The following SCUBE1 variants were observed in gnomAD, a reference collection of about 807,000 sequenced individuals.
SCUBE1 encodes the protein signal peptide, CUB and EGF-like domain-containing protein 1.
SCUBE1 carries 59 observed loss-of-function variants against 124.4 expected under a neutral mutation model. That is an observed-to-expected ratio of 0.47 (90% confidence interval 0.38 to 0.59). SCUBE1 has a LOEUF of 0.59. SCUBE1 is among the 20% of genes least tolerant of loss of function. The pLI, the probability that SCUBE1 is intolerant of heterozygous loss-of-function variation, is 0.00. For synonymous variants in SCUBE1, 545 were observed against 550.9 expected (o/e 0.99, Z 0.15); for missense variants, 1,150 against 1,371.2 (o/e 0.84, Z 2.55).
At chr22:43,297,329 G>A (rs1041122380) in intron 3 of SCUBE1, among the ~76,000 whole-genome samples, 1 of 152,218 alleles carries the variant, frequency 6.6e-6, no homozygotes, top group African/African-American at 2.4e-5. Context: ...CTGCTGTGAT[G>A]AGTCTGGCTG....
chr22:43,320,118 C>G, intron 2 of SCUBE1, 53 bp from the exon 3 acceptor site: 2 of 1,606,986 alleles, frequency 1.2e-6, no homozygotes, highest in South Asian at 2.2e-5. Context: ...GTGGTCCCCT[C>G]TCCCAACACC....
chr22:43,294,167 C>A (rs1296186843), intron 3 of SCUBE1, among the ~76,000 whole-genome samples: 1 of 152,250 alleles, frequency 6.6e-6, no homozygotes, highest in African/African-American at 2.4e-5. Flanking sequence ...CCCCTCTGCA[C>A]CCTTTTCCCA....
intron 4 of SCUBE1, among the ~76,000 whole-genome samples, chr22:43,289,836 T>G (rs1415896142): frequency 6.6e-6 from 1 of 152,232 alleles, no homozygotes; most frequent in East Asian, 1.9e-4. Context: ...AGGGTCCGGC[T>G]GGCCTGGAGC....
At chr22:43,315,572 G>A (rs947765889) in intron 3 of SCUBE1, among the ~76,000 whole-genome samples, 6 of 152,116 alleles carry the variant, frequency 3.9e-5, no homozygotes, top group South Asian at 2.1e-4. Context: ...ACCAAGGTCC[G>A]GCTTCTCTAG....
At chr22:43,325,715 T>C (rs1188581328) in intron 2 of SCUBE1, among the ~76,000 whole-genome samples, 1 of 152,044 alleles carries the variant, frequency 6.6e-6, no homozygotes, top group Non-Finnish European at 1.5e-5. Flanking sequence ...GCTTGGATTT[T>C]TTTTTGTTTT....
intron 14 of SCUBE1, among the ~76,000 whole-genome samples, chr22:43,219,642 T>A (rs1922002005): frequency 6.6e-6 from 1 of 151,642 alleles, no homozygotes; most frequent in African/African-American, 2.4e-5. Flanking sequence ...CCTGGCTAAT[T>A]TTTGTATTTT....
rs540211309 is a variant in SCUBE1, at chr22:43,281,566, C to T, written c.484+9480G>A. Among the ~76,000 whole-genome samples the T allele has an allele frequency of 4.6e-4, 63 of 137,048 alleles. 1 individual carries two copies. The highest frequency in any genetic ancestry group is 3.2e-3 in the East Asian group (12 of 3,724). 89.9% of individuals were successfully genotyped at this position (137,048 alleles called of 152,430 possible). On this transcript the variant is annotated intron_variant, in intron 4 of 21. Coordinates refer to ENST00000360835, the MANE Select transcript of SCUBE1 (RefSeq NM_173050.5). ...CACCCTCCTGTCACCTCCCCCTCAGCCACCCTCCTGTCACCTCCCTTCTCA... is the reference window on the plus strand; with the variant it reads ...CACCCTCCTGTCACCTCCCCCTCAGTCACCCTCCTGTCACCTCCCTTCTCA...
chr22:43,340,593 T>C (rs533704510), intron 1 of SCUBE1, among the ~76,000 whole-genome samples: 3 of 148,176 alleles, frequency 2.0e-5, no homozygotes, highest in African/African-American at 7.5e-5. Flanking sequence ...GTCAGAGCTG[T>C]ACCTATAATC....
Position 43,321,107 on chromosome 22 carries a change from G to A in SCUBE1, c.221-1042C>T, listed in dbSNP as rs149295681. 2.6e-4 allele frequency among the ~76,000 whole-genome samples: 40 copies of A among 152,322 alleles called. No homozygotes were observed. The East Asian group carries it at 6.9e-3, about 26-fold the overall frequency. On this transcript the variant is annotated intron_variant, in intron 2 of 21. Coordinates refer to ENST00000360835, the MANE Select transcript of SCUBE1 (RefSeq NM_173050.5). Reference sequence around the variant, plus strand: ...TGTCCCCCACAGGGGAACTGGAACCGGAACCGGAAGTGCAGCACTAAGTGG... The same window carrying A: ...TGTCCCCCACAGGGGAACTGGAACCAGAACCGGAAGTGCAGCACTAAGTGG...
rs141718672 is a variant in SCUBE1, at chr22:43,222,702, C to A, written c.1368G>T (p.Gly456=). ...GTTTCTGCAGCGCCTTGCCCTGCGG[C>A]CCTGGAACTCCGCAGCTCAGGACGT... ...NSYVLSCGVP[G]PQGKALQKRN... is the part of the protein sequence containing the mutation. Residue 456 remains glycine, a synonymous_variant, in exon 12 of 22, where the codon GGG becomes GGT. Coordinates refer to ENST00000360835, the MANE Select transcript of SCUBE1 (RefSeq NM_173050.5). 4,407 of 1,606,704 alleles carry A rather than the reference C, an allele frequency of 2.7e-3. 15 individuals are homozygous for A. The highest frequency in any genetic ancestry group is 3.4e-3 in the Non-Finnish European group (4,040 of 1,176,932).
At position 43,274,805 on chromosome 22, in the gene SCUBE1, C is replaced by T. The variant is rs988033892; in HGVS notation, c.485-11960G>A. On this transcript the variant is annotated intron_variant, in intron 4 of 21. Coordinates refer to ENST00000360835, the MANE Select transcript of SCUBE1 (RefSeq NM_173050.5). ...GAGCCACAGCCTGGGGCTGGAGTCCCGGCTGCGTCACAAGCAGTGGCGCTC... is the reference window on the plus strand; with the variant it reads ...GAGCCACAGCCTGGGGCTGGAGTCCTGGCTGCGTCACAAGCAGTGGCGCTC... Among the ~76,000 whole-genome samples the T allele has an allele frequency of 9.8e-5, 15 of 152,306 alleles. No homozygotes were observed. The South Asian group carries it at 2.1e-3, about 21-fold the overall frequency.
intron 1 of SCUBE1, 117 bp downstream of exon 1, chr22:43,343,057 G>C (rs1369571120): frequency 5.5e-6 from 2 of 364,974 alleles, no homozygotes; most frequent in Non-Finnish European, 4.0e-6. Flanking sequence ...AAGAGGCAGG[G>C]GGCGCGGGGC....
chr22:43,214,610 C>A (rs571027350), intron 15 of SCUBE1, among the ~76,000 whole-genome samples: 90 of 152,348 alleles, frequency 5.9e-4, no homozygotes, highest in Non-Finnish European at 1.1e-3. Flanking sequence ...GATGTCGCCA[C>A]TTGGATATGC....
chr22:43,237,895 TCTGGAGTGATG>T (rs1461402301), intron 7 of SCUBE1: 2 of 152,252 alleles, frequency 1.3e-5, no homozygotes, highest in Non-Finnish European at 2.9e-5. Context: ...TGGAGGGTGG[TCTGGAGTGATG>T]CTGGGGGCAC....
intron 21 of SCUBE1, among the ~76,000 whole-genome samples, chr22:43,206,427 C>G (rs948442977): frequency 2.0e-5 from 3 of 152,182 alleles, no homozygotes; most frequent in Non-Finnish European, 4.4e-5. Context: ...TGAACCCACA[C>G]CCTGGAGACA....
At chr22:43,286,592 C>T (rs1218161194) in intron 4 of SCUBE1, among the ~76,000 whole-genome samples, 2 of 152,232 alleles carry the variant, frequency 1.3e-5, no homozygotes, top group Non-Finnish European at 2.9e-5. Context: ...ATGTCACGAA[C>T]GTCTCTGCTG....
In SCUBE1 at chr22:43,307,487, G is replaced by A. The variant is rs151229448; in HGVS notation, c.349+12450C>T. Among the ~76,000 whole-genome samples the A allele has an allele frequency of 2.0e-4, 31 of 152,318 alleles. 1 individual carries two copies. Among genetic ancestry groups the A allele is most frequent in the African/African-American group, 6.5e-4 (27 of 41,570 alleles). On this transcript the variant is annotated intron_variant, in intron 3 of 21. Transcript: ENST00000360835. Reference sequence around the variant, plus strand: ...GCAGACAACGACTGCATCCTGCTGGGACAAGGAGGACACGGAAAAGAGCTG... The same window carrying A: ...GCAGACAACGACTGCATCCTGCTGGAACAAGGAGGACACGGAAAAGAGCTG...
At chr22:43,239,015 T>G in intron 6 of SCUBE1, 61 bp from the exon 7 acceptor site, 1 of 1,348,772 alleles carries the variant, frequency 7.4e-7, no homozygotes, top group Non-Finnish European at 1.1e-6. Flanking sequence ...GGCTTTCCCC[T>G]TCCGTGGAAA....
At position 43,199,880 on chromosome 22, in the gene SCUBE1, C is replaced by T. The variant is rs1473067997; in HGVS notation, c.*4117G>A. On this transcript the variant is annotated 3_prime_UTR_variant, in exon 22 of 22. Transcript: ENST00000360835. ...TAATTCTGGGCAGCAGGTGAGGCCA[C>T]CTGGCTGCAGGCTGCCCTCAGCGGC... The T allele has an allele frequency of 6.6e-6, 1 of 152,452 alleles. No homozygotes were observed. The highest frequency in any genetic ancestry group is 1.9e-4 in the East Asian group (1 of 5,192). The allele number at this position is 152,452 out of a possible 1,614,324, so 9.4% of individuals were successfully genotyped here. A position where few individuals can be genotyped will look rare whatever the true frequency, so the allele number is the denominator to read the frequency against.
Sources: allele counts gnomAD v4.1 joint callset (sites outside exome capture counted in the v4.1 genomes callset), GRCh38; gene constraint gnomAD v4.1.1; transcripts MANE v1.5; gene names NCBI Gene and HGNC (gene_info 2026-07-23, HGNC 2026-07-21).